Variants in ZNF568 observed in about 807,000 individuals in gnomAD.
The protein encoded by ZNF568 is p53 inhibitor of SCO2 activation.
Under a neutral mutation model 18.1 loss-of-function variants are expected in ZNF568, and 11 were observed. The ratio of observed to expected loss-of-function variants is 0.61; its 90% CI spans 0.38 to 1.00. The LOEUF is 1.00. Among genes scored for constraint, ZNF568 ranks in the 50% least tolerant of loss-of-function variants. ZNF568 has a pLI of 0.01. For synonymous variants in ZNF568, 213 were observed against 246.6 expected, an observed-to-expected ratio of 0.86 and a Z score of 1.28; for missense variants, 639 against 768.2, an observed-to-expected ratio of 0.83 and a Z score of 1.99.
At chr19:36,934,383 A>G (rs1176638640) in intron 4 of ZNF568, among the ~76,000 whole-genome samples, 1 of 150,038 alleles carries the variant, frequency 6.7e-6, no homozygotes, top group Non-Finnish European at 1.5e-5. Flanking sequence ...ATCATGGCTC[A>G]GTGCAGCCTT....
intron 6 of ZNF568, among the ~76,000 whole-genome samples, chr19:36,940,371 A>G (rs1600801333): frequency 6.6e-6 from 1 of 152,280 alleles, no homozygotes; most frequent in East Asian, 1.9e-4. Context: ...CCATCTCTCA[A>G]CTAACATTCT....
At position 36,952,104 on chromosome 19, in the gene ZNF568, A is replaced by G. The variant is rs975638239; in HGVS notation, c.*1016A>G. 1.6e-4 allele frequency: 140 copies of G among 859,040 alleles called. 1 individual carries two copies. Among genetic ancestry groups the G allele is most frequent in the Non-Finnish European group, 1.9e-4 (134 of 720,188 alleles). 53.2% of individuals were successfully genotyped at this position (859,040 alleles called of 1,614,324 possible). On this transcript the variant is annotated 3_prime_UTR_variant, in exon 7 of 7. Coordinates refer to ENST00000333987, the MANE Select transcript of ZNF568 (RefSeq NM_198539.4). ...CCACTTCTAGGTATATATACATCCTATAGAAACTCACAAATAATGCATAAG... is the reference window on the plus strand; with the variant it reads ...CCACTTCTAGGTATATATACATCCTGTAGAAACTCACAAATAATGCATAAG...
chr19:36,996,266 T>G, intron 4 of ZNF568: 1 of 1,339,044 alleles, frequency 7.5e-7, no homozygotes. Context: ...GGACTTTTCT[T>G]TGTCCTGCAA....
intron 4 of ZNF568, among the ~76,000 whole-genome samples, chr19:36,929,293 T>A (rs2073640341): frequency 6.6e-6 from 1 of 151,698 alleles, no homozygotes; most frequent in Non-Finnish European, 1.5e-5. Context: ...AATCCCAGCA[T>A]TTTAGGAGGC....
At chr19:36,956,441 C>T (rs2074107793), downstream of ZNF568, among the ~76,000 whole-genome samples, 1 of 152,096 alleles carries the variant, frequency 6.6e-6, no homozygotes, top group Non-Finnish European at 1.5e-5. Context: ...TCTTTCCATC[C>T]AGTTCTGCTT....
chr19:36,917,282 C>T (rs147542188), intron 1 of ZNF568, among the ~76,000 whole-genome samples: 2 of 152,326 alleles, frequency 1.3e-5, no homozygotes, highest in African/African-American at 4.8e-5. Context: ...CCTGATGGGT[C>T]ACCAGAGCGC....
chr19:36,956,446 C>T (rs528504), downstream of ZNF568, among the ~76,000 whole-genome samples: 54,534 of 151,888 alleles, frequency 0.36, 10,065 homozygotes, highest in African/African-American at 0.41. Flanking sequence ...CCATCCAGTT[C>T]TGCTTTATTC....
In ZNF568 at chr19:36,962,277, GTTTTTTTTTTTT is replaced by G. The variant is rs71177418; in HGVS notation, c.359-12131_359-12120del. ...TTTTCATGATGGTAAGTGTTGCAGT[GTTTTTTTTTTTT>G]TTTTTTTTTTTGCTTCCAGGTTTAA... On this transcript the variant is annotated intron_variant, in intron 6 of 7. Transcript: ENST00000427117. 6.0e-4 allele frequency among the ~76,000 whole-genome samples: 27 copies of G among 45,290 alleles called. 2 individuals are homozygous for G. Among genetic ancestry groups the G allele is most frequent in the South Asian group, 2.1e-3 (2 of 964 alleles). 29.7% of individuals were successfully genotyped at this position (45,290 alleles called of 152,430 possible).
At chr19:36,972,528 G>A (rs1644645) in intron 6 of ZNF568, among the ~76,000 whole-genome samples, 54,580 of 151,894 alleles carry the variant, frequency 0.36, 10,098 homozygotes, top group African/African-American at 0.41. Flanking sequence ...AGGCCAGCCT[G>A]TGGCCCGGCC....
chr19:36,919,831 T>A (rs476194), intron 2 of ZNF568, among the ~76,000 whole-genome samples: 1 of 152,116 alleles, frequency 6.6e-6, no homozygotes, highest in East Asian at 1.9e-4. Context: ...GTGATGCTGC[T>A]GTAAACAAAC....
chr19:36,926,752 C>T (rs749142944), intron 4 of ZNF568, among the ~76,000 whole-genome samples: 2 of 152,094 alleles, frequency 1.3e-5, no homozygotes, highest in African/African-American at 4.8e-5. Context: ...ATGTATTGTG[C>T]TTTACATAGC....
Position 36,922,583 on chromosome 19 carries a change from C to T in ZNF568, c.-185-3C>T, listed in dbSNP as rs539479550. 4.5e-6 allele frequency: 2 copies of T among 448,620 alleles called. No homozygotes were observed. The highest frequency in any genetic ancestry group is 3.4e-5 in the East Asian group (1 of 29,482). The allele number at this position is 448,620 out of a possible 1,614,324, so 27.8% of individuals were successfully genotyped here. A position where few individuals can be genotyped will look rare whatever the true frequency, so the allele number is the denominator to read the frequency against. On this transcript the variant is annotated splice_polypyrimidine_tract_variant and splice_region_variant and intron_variant, in intron 2 of 6. Coordinates refer to ENST00000333987, the MANE Select transcript of ZNF568 (RefSeq NM_198539.4). ...TAAATTAGATTTATATCCTAATCCA[C>T]AGGTCCTGGTTCCACAAGGATAAAA...
chr19:36,981,964 A>G (rs773396067), downstream of ZNF568, among the ~76,000 whole-genome samples: 20 of 150,764 alleles, frequency 1.3e-4, no homozygotes, highest in Non-Finnish European at 2.4e-4. Context: ...TAAAACTCCT[A>G]TGACAGATTA....
intron 3 of ZNF568, chr19:36,991,316 C>G: frequency 3.3e-6 from 5 of 1,527,376 alleles, no homozygotes; most frequent in Non-Finnish European, 4.4e-6. Flanking sequence ...TTATCTGCCC[C>G]TCCGTACACC....
At chr19:36,932,067 T>C (rs1419354198) in intron 4 of ZNF568, among the ~76,000 whole-genome samples, 3 of 152,246 alleles carry the variant, frequency 2.0e-5, no homozygotes, top group African/African-American at 7.2e-5. Flanking sequence ...TACGAGTACT[T>C]TTTATTTCTG....
At chr19:36,973,034 G>A (rs1162350196) in intron 6 of ZNF568, among the ~76,000 whole-genome samples, 1 of 152,224 alleles carries the variant, frequency 6.6e-6, no homozygotes, top group Non-Finnish European at 1.5e-5. Flanking sequence ...CTCGGGTGCA[G>A]CTGGGCAGTC....
intron 6 of ZNF568, among the ~76,000 whole-genome samples, chr19:36,957,796 C>G (rs2074119253): frequency 6.6e-6 from 1 of 152,150 alleles, no homozygotes; most frequent in African/African-American, 2.4e-5. Context: ...TACTGGGAAA[C>G]AATGGTATAT....
intron 3 of ZNF568, among the ~76,000 whole-genome samples, chr19:36,923,562 A>C (rs1312531363): frequency 6.6e-6 from 1 of 150,602 alleles, no homozygotes; most frequent in Non-Finnish European, 1.5e-5. Context: ...TTCTCTCTGC[A>C]TTGCTTCAAC....
chr19:36,964,935 C>A (rs926485494), intron 6 of ZNF568, among the ~76,000 whole-genome samples: 46 of 152,060 alleles, frequency 3.0e-4, no homozygotes, highest in Non-Finnish European at 4.6e-4. Context: ...AAGAGCATCA[C>A]CTCTAAATAA....
Sources: allele counts gnomAD v4.1 joint callset (sites outside exome capture counted in the v4.1 genomes callset), GRCh38; gene constraint gnomAD v4.1.1; transcripts MANE v1.5; gene names NCBI Gene and HGNC (gene_info 2026-07-23, HGNC 2026-07-21).